ZNF585B: variants seen among roughly 807,000 people sequenced by gnomAD.
ZNF585B encodes zinc finger protein 585B, also known as zinc finger protein 41-like protein.
ZNF585B carries 7 observed loss-of-function variants against 14.0 expected under a neutral mutation model. That is an observed-to-expected ratio of 0.50 (90% CI 0.28 to 0.94). The LOEUF (loss-of-function observed/expected upper bound fraction) is 0.94. Among genes scored for constraint, ZNF585B ranks in the 40% least tolerant of loss-of-function variants. The pLI is 0.09. For synonymous variants in ZNF585B, 290 were observed against 317.3 expected (o/e 0.91, Z 0.91); for missense variants, 750 against 924.4 (o/e 0.81, Z 2.45).
In ZNF585B at chr19:37,186,125, C is replaced by T. The variant is rs372962112; in HGVS notation, c.1412G>A (p.Cys471Tyr). The change falls in exon 5 of 5, where the codon TGT becomes TAT. Residue 471 changes from cysteine to tyrosine, a missense_variant. By Grantham distance (194) the Cys-to-Tyr change is radical. Around this residue, in one of 2 missense-constraint regions of ZNF585B, gnomAD observed 517 missense variants for 570.3 expected, o/e 0.91. Transcript: ENST00000532828. ...TGACCGGTTGGTGAATGCCTTCCCA[C>T]ATTTATTGCATACATAGGGCTTTTC... ...TGEKPYVCNK[C>Y]GKAFTNRSNL... 35 of 1,614,034 alleles carry T rather than the reference C, an allele frequency of 2.2e-5. No individual in the cohort carries two copies. Among genetic ancestry groups the T allele is most frequent in the African/African-American group, 2.7e-5 (2 of 74,914 alleles).
chr19:37,209,087 G>C (rs1972617380), intron 1 of ZNF585B, among the ~76,000 whole-genome samples: 1 of 151,962 alleles, frequency 6.6e-6, no homozygotes, highest in East Asian at 1.9e-4. Context: ...AATGTCTTTT[G>C]AGCTATTTAG....
In ZNF585B at chr19:37,207,164, C is replaced by T. The variant is rs1035277679; in HGVS notation, c.-53G>A. 3.0e-5 allele frequency: 49 copies of T among 1,611,352 alleles called. No individual in the cohort carries two copies. The highest frequency in any genetic ancestry group is 1.7e-6 in the Non-Finnish European group (2 of 1,179,490). On this transcript the variant is annotated 5_prime_UTR_variant, in exon 2 of 5. An upstream start codon of the reference 5' UTR is lost. Coordinates refer to ENST00000532828, the MANE Select transcript of ZNF585B (RefSeq NM_152279.4). The stretch of plus-strand genomic sequence containing the variant: ...TCTAGGGTGCCTGAAGTTTAGTGGT[C>T]ATCTGTGAACTCAGCAGAGCTGCTC...
intron 2 of ZNF585B, chr19:37,199,143 A>C: frequency 1.7e-6 from 1 of 605,900 alleles, no homozygotes; most frequent in Non-Finnish European, 2.8e-6. Context: ...CAACCCCCAA[A>C]CCCTATGTTA....
Position 37,182,627 on chromosome 19 carries a change from G to A in ZNF585B, c.*2600C>T, listed in dbSNP as rs1310096740. ...GATGGCTCAGTAGACATTGATCTAA[G>A]GTGAGGTAATGGGATGTGTCACCAA... On this transcript the variant is annotated 3_prime_UTR_variant, in exon 5 of 5. Transcript: ENST00000532828. 6.6e-6 allele frequency: 1 copy of A among 152,178 alleles called. No homozygotes were observed. The highest frequency in any genetic ancestry group is 1.5e-5 in the Non-Finnish European group (1 of 68,054). 9.4% of individuals were successfully genotyped at this position (152,178 alleles called of 1,614,324 possible).
chr19:37,199,206 A>G lies in ZNF585B; in HGVS notation c.72+7834T>C, dbSNP rs539191037. 3.3e-5 allele frequency among the ~76,000 whole-genome samples: 5 copies of G among 152,244 alleles called. No individual in the cohort carries two copies. In the South Asian group the frequency reaches 1.0e-3, roughly 32 times the overall value. Reference sequence around the variant, plus strand: ...TCATGTTAGGCTGGAATAGAGCTTTACCACCTCACCAAATGAGCTTCTTAT... The same window carrying G: ...TCATGTTAGGCTGGAATAGAGCTTTGCCACCTCACCAAATGAGCTTCTTAT... On this transcript the variant is annotated intron_variant, in intron 2 of 4. Transcript: ENST00000532828.
rs988742983 is a variant in ZNF585B, at chr19:37,184,019, A to C, written c.*1208T>G. ...TTTAAGTTCTCCCAGATGACCTGAA[A>C]ATCCTAACCTCAAAGGCTTTCTTGA... On this transcript the variant is annotated 3_prime_UTR_variant, in exon 5 of 5. Coordinates refer to ENST00000532828, the MANE Select transcript of ZNF585B (RefSeq NM_152279.4). The C allele has an allele frequency of 9.9e-5, 15 of 151,820 alleles. No homozygotes were observed. Among genetic ancestry groups the C allele is most frequent in the Non-Finnish European group, 2.9e-5 (2 of 67,998 alleles). 9.4% of individuals were successfully genotyped at this position (151,820 alleles called of 1,614,324 possible). A position where few individuals can be genotyped will look rare whatever the true frequency, so the allele number is the denominator to read the frequency against.
chr19:37,201,796 A>G (rs1396004064), intron 2 of ZNF585B, among the ~76,000 whole-genome samples: 12 of 152,102 alleles, frequency 7.9e-5, no homozygotes, highest in Non-Finnish European at 2.9e-5. Flanking sequence ...TTTTTTCTAG[A>G]TTTTTAAATG....
chr19:37,207,472 A>G (rs1176255186), intron 1 of ZNF585B, among the ~76,000 whole-genome samples: 2 of 152,206 alleles, frequency 1.3e-5, no homozygotes, highest in Non-Finnish European at 2.9e-5. Context: ...TTATTTTCTA[A>G]TAAGTGCCCA....
chr19:37,188,875 GA>G (rs1238995080), intron 4 of ZNF585B, among the ~76,000 whole-genome samples: 1 of 152,036 alleles, frequency 6.6e-6, no homozygotes, highest in Non-Finnish European at 1.5e-5. Context: ...GAAGATAAGA[GA>G]AATCTCATGG....
chr19:37,189,826 G>T, intron 3 of ZNF585B, 73 bp from the exon 4 acceptor site: 1 of 1,599,088 alleles, frequency 6.3e-7, no homozygotes. Flanking sequence ...CAGTCTTATT[G>T]TTCAATGATG....
Position 37,207,044 on chromosome 19 carries a change from T to C in ZNF585B, c.68A>G (p.Tyr23Cys), listed in dbSNP as rs1224678630. The C allele has an allele frequency of 1.2e-6, 2 of 1,613,974 alleles. No homozygotes were observed. Among genetic ancestry groups the C allele is most frequent in the Non-Finnish European group, 1.7e-6 (2 of 1,180,028 alleles). ...ALAPEDHGSS[Y>C]EGSVSFRDVA... ...CTTGGGACTCCTCCTCCTCACCTCA[T>C]AGGAGCTGCCATGATCCTCTGGAGC... Residue 23 changes from tyrosine (Y) to cysteine (C), a missense_variant, in exon 2 of 5, where the codon TAT (tyrosine) becomes TGT (cysteine). Physicochemically the swap from Tyr to Cys is radical, Grantham distance 194. This residue lies in a region of ZNF585B where 517 missense variants were observed against 570.3 expected (regional missense o/e 0.91). Coordinates refer to ENST00000532828, the MANE Select transcript of ZNF585B (RefSeq NM_152279.4).
intron 2 of ZNF585B, among the ~76,000 whole-genome samples, chr19:37,204,924 T>G (rs1972570336): frequency 6.6e-6 from 1 of 151,974 alleles, no homozygotes; most frequent in Admixed American, 6.6e-5. Context: ...TATTTTTTAT[T>G]TTTAGTAGAG....
chr19:37,208,601 A>C (rs73023566), intron 1 of ZNF585B, among the ~76,000 whole-genome samples: 1 of 152,068 alleles, frequency 6.6e-6, no homozygotes, highest in East Asian at 1.9e-4. Context: ...GCCAAAAAAA[A>C]AAATAAAAGA....
intron 2 of ZNF585B, among the ~76,000 whole-genome samples, chr19:37,196,862 T>C (rs1972470389): frequency 6.6e-6 from 1 of 152,104 alleles, no homozygotes; most frequent in Non-Finnish European, 1.5e-5. Context: ...AGGCTATCAG[T>C]AGTTAAGTTT....
At position 37,189,968 on chromosome 19, in the gene ZNF585B, G is replaced by A. The variant is rs1437641771; in HGVS notation, c.199+56C>T. On this transcript the variant is annotated intron_variant, in intron 3 of 4. Transcript: ENST00000532828. ...GATGCCAACAGCATTCGTCAACTGA[G>A]AATGAAAACACTCTCAGTGAGGCCT... 9 of 1,602,534 alleles carry A rather than the reference G, an allele frequency of 5.6e-6. No individual in the cohort carries two copies. The Admixed American group carries it at 1.5e-4, about 27-fold the overall frequency.
chr19:37,195,724 T>G (rs546069777), intron 2 of ZNF585B, among the ~76,000 whole-genome samples: 2 of 150,582 alleles, frequency 1.3e-5, no homozygotes, highest in South Asian at 4.1e-4. Flanking sequence ...TCTACCAAAC[T>G]TACAAAGAAG....
At chr19:37,188,346 C>T (rs915294266) in intron 4 of ZNF585B, among the ~76,000 whole-genome samples, 3 of 152,222 alleles carry the variant, frequency 2.0e-5, no homozygotes, top group South Asian at 2.1e-4. Flanking sequence ...GTTAGCTGGG[C>T]GTGGTGGCTC....
chr19:37,202,575 C>A (rs1972541375), intron 2 of ZNF585B, among the ~76,000 whole-genome samples: 1 of 151,694 alleles, frequency 6.6e-6, no homozygotes, highest in Non-Finnish European at 1.5e-5. Flanking sequence ...TTTGTTCTTA[C>A]CGAGTTGAAA....
rs752021548 is a variant in ZNF585B, at chr19:37,189,683, C to G, written c.270G>C (p.Glu90Asp). 4.3e-6 allele frequency: 7 copies of G among 1,613,412 alleles called. No individual in the cohort carries two copies. In the South Asian group the frequency reaches 7.7e-5, roughly 18 times the overall value. Reference sequence around the variant, plus strand: ...CACCTGGGCAGCTGTGACGTGGCCTCTCACCCTGCAGTGCCCATGGTTCCT... The same window carrying G: ...CACCTGGGCAGCTGTGACGTGGCCTGTCACCCTGCAGTGCCCATGGTTCCT... ...QGKEPWALQG[E>D]RPRHSCPGEK... The change falls in exon 4 of 5, where the codon GAG (glutamate) becomes GAC (aspartate). Residue 90 changes from glutamate to aspartate, a missense_variant. Transcript: ENST00000532828.
Sources: allele counts gnomAD v4.1 joint callset (sites outside exome capture counted in the v4.1 genomes callset), GRCh38; gene constraint gnomAD v4.1.1; regional missense constraint gnomAD v4.1.1; transcripts MANE v1.5; gene names NCBI Gene and HGNC (gene_info 2026-07-23, HGNC 2026-07-21).